The following CAGE1 variants were observed in gnomAD, a reference collection of about 807,000 sequenced individuals.
CAGE1 encodes cancer-associated gene 1 protein.
Under a neutral mutation model 94.9 loss-of-function variants are expected in CAGE1, and 66 were observed. The observed-to-expected ratio is 0.70, with a 90% CI of 0.57 to 0.85. The LOEUF is 0.85. Among genes scored for constraint, CAGE1 ranks in the 40% least tolerant of loss-of-function variants. The pLI is 0.00. For missense variants in CAGE1, 865 were observed against 950.4 expected (o/e 0.91, Z 1.18); for synonymous variants, 319 against 321.0 (o/e 0.99, Z 0.07).
At chr6:7,343,198 A>AAAAAAAAAAAAAAAG (rs574460085) in intron 11 of CAGE1, among the ~76,000 whole-genome samples, 5 of 137,320 alleles carry the variant, frequency 3.6e-5, no homozygotes, top group Admixed American at 7.8e-5. Context: ...CACAAAAAAA[A>AAAAAAAAAAAAAAAG]AAAAGAAAAG....
At chr6:7,370,749 C>T (rs1561863118) in intron 5 of CAGE1, among the ~76,000 whole-genome samples, 1 of 152,138 alleles carries the variant, frequency 6.6e-6, no homozygotes, top group Non-Finnish European at 1.5e-5. Flanking sequence ...ATTCCATCAG[C>T]CATGAGAGCA....
intron 3 of CAGE1, among the ~76,000 whole-genome samples, chr6:7,383,578 T>C (rs1179814696): frequency 6.6e-6 from 1 of 152,240 alleles, no homozygotes; most frequent in Admixed American, 6.5e-5. Flanking sequence ...CTGCCTATAA[T>C]ACATTGTTAT....
chr6:7,345,266 T>G (rs540052192), intron 11 of CAGE1, among the ~76,000 whole-genome samples: 1 of 152,292 alleles, frequency 6.6e-6, no homozygotes, highest in East Asian at 1.9e-4. Context: ...ACACGCTACC[T>G]TAAGAGTTGC....
At position 7,339,987 on chromosome 6, in the gene CAGE1, C is replaced by G. The variant is rs188987838; in HGVS notation, c.2370-5897G>C. ...AGTTCTACTTTTAGTTCTTTAAAGA[C>G]TTTCCACACTGTTTTCCACAGTGGT... On this transcript the variant is annotated intron_variant, in intron 11 of 13. Coordinates refer to ENST00000502583, the MANE Select transcript of CAGE1 (RefSeq NM_001170692.2). The surrounding 1 kb of genome is among the most constrained non-coding windows in gnomAD (Gnocchi z 4.7). Among the ~76,000 whole-genome samples, 283 of 152,336 alleles carry G rather than the reference C, an allele frequency of 1.9e-3. No individual in the cohort carries two copies. The highest frequency in any genetic ancestry group is 3.4e-3 in the Non-Finnish European group (232 of 68,032).
At chr6:7,386,948 G>A in intron 2 of CAGE1, 31 bp downstream of exon 2, 1 of 1,392,628 alleles carries the variant, frequency 7.2e-7, no homozygotes, top group Non-Finnish European at 1.0e-6. Flanking sequence ...GAATACATCT[G>A]AGCCTCCTGG....
intron 12 of CAGE1, among the ~76,000 whole-genome samples, chr6:7,331,080 A>G (rs1357240015): frequency 1.3e-5 from 2 of 152,184 alleles, no homozygotes; most frequent in African/African-American, 2.4e-5. Flanking sequence ...AGTCATAGTT[A>G]ACCTATCACT....
chr6:7,352,664 C>G (rs1299323330), intron 11 of CAGE1, among the ~76,000 whole-genome samples: 1 of 152,130 alleles, frequency 6.6e-6, no homozygotes, highest in Non-Finnish European at 1.5e-5. Context: ...GCTATAGTCA[C>G]CAAAACAGCA....
chr6:7,366,587 T>C (rs1760344923), intron 7 of CAGE1, among the ~76,000 whole-genome samples: 2 of 152,130 alleles, frequency 1.3e-5, no homozygotes, highest in Non-Finnish European at 2.9e-5. Flanking sequence ...GGGCACTGGG[T>C]CTCTAAGAAG....
intron 11 of CAGE1, among the ~76,000 whole-genome samples, chr6:7,346,694 A>C (rs1463091457): frequency 6.6e-6 from 1 of 151,876 alleles, no homozygotes; most frequent in African/African-American, 2.4e-5. Context: ...TGAAAAAAGA[A>C]AAAAAAATAG....
chr6:7,389,244 C>T lies in CAGE1; in HGVS notation c.-66G>A, dbSNP rs911346028. The T allele has an allele frequency of 2.2e-6, 1 of 456,108 alleles. No homozygotes were observed. The highest frequency in any genetic ancestry group is 2.0e-5 in the African/African-American group (1 of 50,070). 28.3% of individuals were successfully genotyped at this position (456,108 alleles called of 1,614,324 possible). On this transcript the variant is annotated 5_prime_UTR_variant, in exon 1 of 14. Transcript: ENST00000502583. ...ATCTCATTCATTTTTCACCTCAAAACGAGACACCAAACTTTTTAAGACACA... is the reference window on the plus strand; with the variant it reads ...ATCTCATTCATTTTTCACCTCAAAATGAGACACCAAACTTTTTAAGACACA...
intron 11 of CAGE1, among the ~76,000 whole-genome samples, chr6:7,348,486 T>C (rs1273909042): frequency 6.6e-6 from 1 of 152,150 alleles, no homozygotes; most frequent in Non-Finnish European, 1.5e-5. Flanking sequence ...AAACCAACTC[T>C]GGTAATATGA....
chr6:7,340,182 A>G (rs1407937352), intron 11 of CAGE1, among the ~76,000 whole-genome samples: 1 of 152,094 alleles, frequency 6.6e-6, no homozygotes, highest in Non-Finnish European at 1.5e-5. Context: ...GATGCTGAGC[A>G]TTTTTTCATA....
At chr6:7,380,102 C>G (rs1332959910) in intron 3 of CAGE1, among the ~76,000 whole-genome samples, 1 of 152,112 alleles carries the variant, frequency 6.6e-6, no homozygotes, top group Non-Finnish European at 1.5e-5. Flanking sequence ...ACGGGACTTG[C>G]TTTTTATTAT....
At chr6:7,376,958 A>G (rs771562221) in intron 4 of CAGE1, among the ~76,000 whole-genome samples, 4 of 152,232 alleles carry the variant, frequency 2.6e-5, no homozygotes, top group Non-Finnish European at 5.9e-5. Flanking sequence ...CACTTATCAT[A>G]GTTGCAAGTT....
chr6:7,373,901 A>G lies in CAGE1; in HGVS notation c.918T>C (p.Asn306=). 2 of 1,614,004 alleles carry G rather than the reference A, an allele frequency of 1.2e-6. No homozygotes were observed. Among genetic ancestry groups the G allele is most frequent in the Middle Eastern group, 1.6e-4 (1 of 6,062 alleles). The change falls in exon 5 of 14, where the codon AAT becomes AAC. Residue 306 remains asparagine, a synonymous_variant. Coordinates refer to ENST00000502583, the MANE Select transcript of CAGE1 (RefSeq NM_001170692.2). ...LQPVQEDMAL[N]EVLQKLKHTN... The stretch of plus-strand genomic sequence containing the variant: ...TATGTTTTAATTTCTGCAAGACTTC[A>G]TTTAAAGCCATGTCCTCTTGAACAG...
Position 7,389,293 on chromosome 6 carries a change from C to T in CAGE1, c.-115G>A, listed in dbSNP as rs977565157. 2 of 456,178 alleles carry T rather than the reference C, an allele frequency of 4.4e-6. No individual in the cohort carries two copies. The highest frequency in any genetic ancestry group is 4.0e-5 in the African/African-American group (2 of 50,084). The allele number at this position is 456,178 out of a possible 1,614,324, so 28.3% of individuals were successfully genotyped here. ...CAAAAGTGTGCTCACTTCCAGGATC[C>T]ATAGTTTCTTGGACCCACGCTACGG... is the stretch of plus-strand genomic sequence containing the variant. On this transcript the variant is annotated 5_prime_UTR_variant, in exon 1 of 14. It removes an upstream start codon present in the reference 5' UTR. Coordinates refer to ENST00000502583, the MANE Select transcript of CAGE1 (RefSeq NM_001170692.2).
intron 3 of CAGE1, among the ~76,000 whole-genome samples, chr6:7,383,841 C>T (rs1761022395): frequency 6.6e-6 from 1 of 152,072 alleles, no homozygotes. Context: ...TGGAAACTTA[C>T]ACTTTTTGTT....
At chr6:7,338,761 T>G in intron 11 of CAGE1, 1 of 708,386 alleles carries the variant, frequency 1.4e-6, no homozygotes, top group Non-Finnish European at 2.5e-6. Context: ...TTTTTTTTTC[T>G]GTCTTTGTAC....
Position 7,378,676 on chromosome 6 carries a change from T to C in CAGE1, c.628A>G (p.Lys210Glu), listed in dbSNP as rs773370160. The change falls in exon 4 of 14, where the codon AAA becomes GAA. Residue 210 changes from lysine (K) to glutamate (E), a missense_variant. Lys to Glu is a moderately conservative substitution (Grantham distance 56). Transcript: ENST00000502583. Reference sequence around the variant, plus strand: ...AGGGCAGATTCCTTGGCAATACTTTTAGCCAGTGACTTTTCTGTAAATTTC... The same window carrying C: ...AGGGCAGATTCCTTGGCAATACTTTCAGCCAGTGACTTTTCTGTAAATTTC... ...MLKFTEKSLAKSIAKESALNP... is the reference protein window; with the variant it reads ...MLKFTEKSLAESIAKESALNP... 3 of 1,612,612 alleles carry C rather than the reference T, an allele frequency of 1.9e-6. No individual in the cohort carries two copies. Among genetic ancestry groups the C allele is most frequent in the East Asian group, 2.2e-5 (1 of 44,874 alleles).
Sources: gnomAD v4.1 joint callset for allele counts (sites outside exome capture counted in the v4.1 genomes callset) on GRCh38, gnomAD v4.1.1 for gene constraint, Gnocchi (gnomAD v3.1) non-coding constraint, MANE v1.5 for transcripts, NCBI Gene and HGNC (gene_info 2026-07-23, HGNC 2026-07-21) for gene names.